Variants in WT1 observed in about 807,000 individuals in gnomAD.
WT1 encodes Wilms tumor protein.
In WT1, 8 loss-of-function variants were observed where a neutral mutation model predicts 60.8. The observed-to-expected ratio is 0.13, with a 90% CI of 0.08 to 0.24. WT1 has a LOEUF of 0.24. Ranked by LOEUF, WT1 falls within the 10% of genes least tolerant of loss-of-function variation. The pLI, the probability that WT1 is intolerant of heterozygous loss-of-function variation, is 1.00. For missense variants in WT1, 568 were observed against 711.8 expected (o/e 0.80, Z 2.30); for synonymous variants, 312 against 297.1 (o/e 1.05, Z -0.52).
At position 32,388,622 on chromosome 11, in the gene WT1, C is replaced by A. The variant is rs1378685023; in HGVS notation, c.*436G>T. On this transcript the variant is annotated 3_prime_UTR_variant, in exon 10 of 10. Coordinates refer to ENST00000452863, the MANE Select transcript of WT1 (RefSeq NM_024426.6). ...TGCTGTTGCTGTTAGTAAATGGAAA[C>A]CATGACAAAGTTTACATTAGCAGAC... 1 of 254,878 alleles carries A rather than the reference C, an allele frequency of 3.9e-6. No homozygotes were observed. The highest frequency in any genetic ancestry group is 2.2e-5 in the African/African-American group (1 of 46,214). 15.8% of individuals were successfully genotyped at this position (254,878 alleles called of 1,614,324 possible). A position where few individuals can be genotyped will look rare whatever the true frequency, so the allele number is the denominator to read the frequency against.
At chr11:32,389,745 T>C (rs570075227) in intron 9 of WT1, among the ~76,000 whole-genome samples, 3 of 152,234 alleles carry the variant, frequency 2.0e-5, no homozygotes, top group South Asian at 2.1e-4. Flanking sequence ...GTTTTTTTTT[T>C]TCTCTTAAAG....
rs121907907 is a variant in WT1 at position 32,392,682 on chromosome 11, G to A, written c.1338C>T (p.His446=). Residue 446 remains histidine (H), a synonymous_variant, in exon 8 of 10, where the codon CAC becomes CAT. Transcript: ENST00000452863. ...CCTACAAACCTGTATGTCTCCTTTG[G>A]TGTCTTTTGAGCTGGTCTGAACGAG... 6.2e-7 allele frequency: 1 copy of A among 1,614,054 alleles called. No homozygotes were observed. The highest frequency in any genetic ancestry group is 1.1e-5 in the South Asian group (1 of 91,082).
intron 5 of WT1, among the ~76,000 whole-genome samples, chr11:32,414,409 GT>G: frequency 6.6e-6 from 1 of 152,114 alleles, no homozygotes; most frequent in South Asian, 2.1e-4. Context: ...AGTAGCTGGG[GT>G]TACAGGCATG....
chr11:32,388,933 T>C lies in WT1; in HGVS notation c.*125A>G. On this transcript the variant is annotated 3_prime_UTR_variant, in exon 10 of 10. Coordinates refer to ENST00000452863, the MANE Select transcript of WT1 (RefSeq NM_024426.6). Reference sequence around the variant, plus strand: ...TTCCAGAAGCACCGGTATCTTGTCTTGGAAGTTGGATGAAGAAGATCAACT... The same window carrying C: ...TTCCAGAAGCACCGGTATCTTGTCTCGGAAGTTGGATGAAGAAGATCAACT... The C allele has an allele frequency of 6.5e-7, 1 of 1,545,456 alleles. No homozygotes were observed. The highest frequency in any genetic ancestry group is 1.1e-5 in the South Asian group (1 of 87,006).
intron 5 of WT1, 150 bp from the exon 6 acceptor site, chr11:32,400,194 T>C (rs1852111260): frequency 4.5e-6 from 4 of 897,262 alleles, no homozygotes; most frequent in Non-Finnish European, 7.1e-6. Context: ...CCACTTTAGA[T>C]GCAGGGTTCT....
intron 6 of WT1, among the ~76,000 whole-genome samples, chr11:32,398,569 G>C (rs956377713): frequency 6.6e-6 from 1 of 152,144 alleles, no homozygotes; most frequent in Non-Finnish European, 1.5e-5. Flanking sequence ...AAGCAGTATC[G>C]TGAAGTAGGT....
chr11:32,419,255 C>T (rs1348621851), intron 3 of WT1, among the ~76,000 whole-genome samples: 1 of 152,144 alleles, frequency 6.6e-6, no homozygotes, highest in East Asian at 1.9e-4. Flanking sequence ...TTTCTTTGGG[C>T]TGACAGTTCA....
At chr11:32,427,817 G>T in intron 3 of WT1, 139 bp downstream of exon 3, 1 of 625,418 alleles carries the variant, frequency 1.6e-6, no homozygotes, top group Non-Finnish European at 2.7e-6. Context: ...TAGTAGAGTG[G>T]AGTCGAGGCG....
At chr11:32,398,792 G>T (rs1205915936) in intron 6 of WT1, among the ~76,000 whole-genome samples, 1 of 151,298 alleles carries the variant, frequency 6.6e-6, no homozygotes, top group Non-Finnish European at 1.5e-5. Context: ...AACCTTACAT[G>T]CATATTGCTA....
chr11:32,392,177 T>G, intron 8 of WT1, 113 bp from the exon 9 acceptor site: 2 of 898,482 alleles, frequency 2.2e-6, no homozygotes, highest in Non-Finnish European at 3.8e-6. Flanking sequence ...ATGCCTGCAA[T>G]GTCTGCATCT....
At chr11:32,413,440 A>G (rs764752503) in intron 5 of WT1, among the ~76,000 whole-genome samples, 4 of 152,230 alleles carry the variant, frequency 2.6e-5, no homozygotes, top group Non-Finnish European at 4.4e-5. Context: ...ACAAAGAACA[A>G]TGACCCCAAC....
At chr11:32,423,149 C>T (rs1234330034) in intron 3 of WT1, among the ~76,000 whole-genome samples, 2 of 152,160 alleles carry the variant, frequency 1.3e-5, no homozygotes, top group East Asian at 1.9e-4. Flanking sequence ...TAAGGTTGGA[C>T]CCCACTACTC....
chr11:32,422,444 GA>G (rs1396866116), intron 3 of WT1, among the ~76,000 whole-genome samples: 1 of 152,200 alleles, frequency 6.6e-6, no homozygotes, highest in Non-Finnish European at 1.5e-5. Flanking sequence ...ATCATTGCAG[GA>G]AACAAATATT....
At chr11:32,419,935 C>G (rs936494011) in intron 3 of WT1, among the ~76,000 whole-genome samples, 3 of 152,170 alleles carry the variant, frequency 2.0e-5, no homozygotes, top group Non-Finnish European at 2.9e-5. Context: ...CTCAGGTGAT[C>G]CACCCGCCTC....
Position 32,428,624 on chromosome 11 carries a change from G to A in WT1, c.662-5C>T, listed in dbSNP as rs780259089. 53 of 1,612,308 alleles carry A rather than the reference G, an allele frequency of 3.3e-5. 1 individual carries two copies. The Middle Eastern group carries it at 9.9e-4, about 30-fold the overall frequency. ...CGAAGGTGACCGTGCTGTAACCTGC[G>A]GGAGCGGCGGAGAGAAGCACAGTGT... On this transcript the variant is annotated splice_polypyrimidine_tract_variant and splice_region_variant and intron_variant, in intron 1 of 9. Coordinates refer to ENST00000452863, the MANE Select transcript of WT1 (RefSeq NM_024426.6).
chr11:32,407,146 GA>G (rs1298694628), intron 5 of WT1, among the ~76,000 whole-genome samples: 5 of 151,976 alleles, frequency 3.3e-5, no homozygotes, highest in African/African-American at 4.8e-5. Flanking sequence ...ACTTTCCTTA[GA>G]AAGTTTGCAA....
chr11:32,418,244 T>A (rs58844027), intron 3 of WT1, among the ~76,000 whole-genome samples: 24 of 129,594 alleles, frequency 1.9e-4, no homozygotes, highest in South Asian at 5.7e-4. Context: ...CAAGTCAAAT[T>A]AAAAAAAAAA....
chr11:32,396,474 G>A, intron 6 of WT1, 67 bp from the exon 7 acceptor site: 2 of 1,599,668 alleles, frequency 1.3e-6, no homozygotes, highest in South Asian at 2.2e-5. Flanking sequence ...AGGTCTTGAG[G>A]GAGAGTGAGC....
chr11:32,416,572 A>T (rs1317987346), intron 4 of WT1, 32 bp from the exon 5 acceptor site: 3 of 1,613,652 alleles, frequency 1.9e-6, no homozygotes, highest in African/African-American at 2.7e-5. Context: ...GGAGTGGGGA[A>T]TGGAGCATGC....
Sources: gnomAD v4.1 joint callset for allele counts (sites outside exome capture counted in the v4.1 genomes callset) on GRCh38, gnomAD v4.1.1 for gene constraint, MANE v1.5 for transcripts, NCBI Gene and HGNC (gene_info 2026-07-23, HGNC 2026-07-21) for gene names.